FHOD3: variants seen among roughly 807,000 people sequenced by gnomAD.
The protein encoded by FHOD3 is FH1/FH2 domain-containing protein 3.
Under a neutral mutation model 173.0 loss-of-function variants are expected in FHOD3, and 90 were observed. The ratio of observed to expected loss-of-function variants is 0.52; its 90% CI spans 0.44 to 0.62. The LOEUF (loss-of-function observed/expected upper bound fraction) is 0.62. Ranked by LOEUF, FHOD3 falls within the 20% of genes least tolerant of loss-of-function variation. The probability of loss-of-function intolerance (pLI) is 0.00; values close to 1 mark genes in which losing one functional copy is unlikely to be tolerated. For missense variants in FHOD3, 1,945 were observed against 2,034.7 expected, an observed-to-expected ratio of 0.96 and a Z score of 0.85; for synonymous variants, 828 against 823.0, an observed-to-expected ratio of 1.01 and a Z score of -0.10.
intron 10 of FHOD3, among the ~76,000 whole-genome samples, chr18:36,636,792 G>T (rs899789915): frequency 3.9e-5 from 6 of 151,964 alleles, no homozygotes; most frequent in African/African-American, 1.5e-4. Flanking sequence ...AGGGGTCCTT[G>T]GATAGAGCAG....
intron 6 of FHOD3, among the ~76,000 whole-genome samples, chr18:36,576,985 C>T (rs932259306): frequency 5.9e-5 from 9 of 151,596 alleles, no homozygotes; most frequent in African/African-American, 1.9e-4. Flanking sequence ...CCCAGCTGCT[C>T]GGGAGGCTGA....
chr18:36,433,959 G>A (rs1399174662), intron 3 of FHOD3, among the ~76,000 whole-genome samples: 3 of 152,150 alleles, frequency 2.0e-5, no homozygotes, highest in Non-Finnish European at 4.4e-5. Context: ...ACATGCTCAT[G>A]TTTTCAAAAA....
At chr18:36,692,231 C>T (rs1424223664) in intron 16 of FHOD3, among the ~76,000 whole-genome samples, 14 of 152,168 alleles carry the variant, frequency 9.2e-5, no homozygotes, top group Admixed American at 9.2e-4. Flanking sequence ...CTCTGCCTTT[C>T]TTATCTGGGT....
chr18:36,591,452 G>A (rs2059214218), intron 6 of FHOD3, among the ~76,000 whole-genome samples: 1 of 152,194 alleles, frequency 6.6e-6, no homozygotes, highest in Admixed American at 6.5e-5. Flanking sequence ...ACACAGCATA[G>A]AGGGATGGAT....
chr18:36,779,240 C>T, intron 28 of FHOD3: 1 of 575,460 alleles, frequency 1.7e-6, no homozygotes, highest in Non-Finnish European at 3.1e-6. Flanking sequence ...CATTGTTAGG[C>T]CAGCCTGTGT....
At chr18:36,481,312 G>A (rs1050933990) in intron 3 of FHOD3, among the ~76,000 whole-genome samples, 4 of 152,064 alleles carry the variant, frequency 2.6e-5, no homozygotes, top group African/African-American at 9.7e-5. Context: ...CTTCAAGTGA[G>A]CCAAAACTCT....
intron 5 of FHOD3, among the ~76,000 whole-genome samples, chr18:36,544,102 T>C (rs1487673690): frequency 6.6e-6 from 1 of 152,216 alleles, no homozygotes; most frequent in Non-Finnish European, 1.5e-5. Context: ...GAGTGCTCCC[T>C]GGAGAGGTGG....
chr18:36,760,779 C>A lies in FHOD3; in HGVS notation c.4621C>A (p.Arg1541=). 1 of 1,609,018 alleles carries A rather than the reference C, an allele frequency of 6.2e-7. No individual in the cohort carries two copies. Among genetic ancestry groups the A allele is most frequent in the South Asian group, 1.1e-5 (1 of 90,792 alleles). The change falls in exon 27 of 29, where the codon CGA becomes AGA. Residue 1541 remains arginine, a synonymous_variant. Coordinates refer to ENST00000590592, the MANE Select transcript of FHOD3 (RefSeq NM_001281740.3). The part of the protein sequence containing the change: ...LGVRTRSRAS[R]GSTSSWTMGT... ...CGTCCGCACACGCAGCCGAGCAAGC[C>A]GAGGTAACTCCTGGCTGCGCGGGGC...
rs746200027 is a variant in FHOD3 at position 36,693,429 on chromosome 18, T to C, written c.2236+6T>C. ...AACCCCTCACCATCCCCAAGGTGAG[T>C]ACAGGGAGAGTAGAGGGAAAATGAA... On this transcript the variant is annotated splice_donor_region_variant and intron_variant, in intron 17 of 28. Transcript: ENST00000590592. The C allele has an allele frequency of 6.2e-7, 1 of 1,609,958 alleles. No homozygotes were observed. Among genetic ancestry groups the C allele is most frequent in the Non-Finnish European group, 8.5e-7 (1 of 1,177,028 alleles).
rs2040555828 is a variant in FHOD3 at position 36,718,038 on chromosome 18, G to A, written c.2740G>A (p.Ala914Thr). 6.2e-7 allele frequency: 1 copy of A among 1,604,450 alleles called. No homozygotes were observed. The highest frequency in any genetic ancestry group is 8.5e-7 in the Non-Finnish European group (1 of 1,175,072). The change falls in exon 19 of 29, where the codon GCC (alanine) becomes ACC (threonine). Residue 914 changes from alanine (A) to threonine (T), a missense_variant. Around this residue, in one of 5 missense-constraint regions of FHOD3, gnomAD observed 1,099 missense variants for 1,051.2 expected, o/e 1.05. Transcript: ENST00000590592. ...SLATRISTLQ[A>T]NSQTQDESVR... ...TGCTACCAGGATATCCACCCTGCAGGCCAACTCTCAGACCCAGGATGAGAG... is the reference window on the plus strand; with the variant it reads ...TGCTACCAGGATATCCACCCTGCAGACCAACTCTCAGACCCAGGATGAGAG...
intron 19 of FHOD3, among the ~76,000 whole-genome samples, chr18:36,721,204 G>A (rs927429914): frequency 3.9e-5 from 6 of 152,306 alleles, no homozygotes; most frequent in African/African-American, 1.4e-4. Flanking sequence ...TATATTGGAC[G>A]AAAAGTTTAC....
chr18:36,459,542 T>C (rs1227148499), intron 3 of FHOD3, among the ~76,000 whole-genome samples: 1 of 152,146 alleles, frequency 6.6e-6, no homozygotes, highest in Non-Finnish European at 1.5e-5. Context: ...GACAGCCCTG[T>C]CTGACCTGCA....
intron 3 of FHOD3, among the ~76,000 whole-genome samples, chr18:36,470,767 G>T (rs930345781): frequency 6.6e-6 from 1 of 152,210 alleles, no homozygotes; most frequent in African/African-American, 2.4e-5. Context: ...TCCGCGCTGG[G>T]ATATTGAAGT....
intron 3 of FHOD3, among the ~76,000 whole-genome samples, chr18:36,396,118 A>G (rs2048544055): frequency 6.6e-6 from 1 of 152,158 alleles, no homozygotes; most frequent in Non-Finnish European, 1.5e-5. Flanking sequence ...TTGCTTTTGA[A>G]AAGTCTGATG....
Position 36,652,553 on chromosome 18 carries a change from C to G in FHOD3, c.1287-17C>G, listed in dbSNP as rs2036134137. Reference sequence around the variant, plus strand: ...ATCTTTTTTTCTTCTTCCTCCTCCTCCCTGCTGGCCCAACAGCAAGGTCGG... The same window carrying G: ...ATCTTTTTTTCTTCTTCCTCCTCCTGCCTGCTGGCCCAACAGCAAGGTCGG... On this transcript the variant is annotated splice_polypyrimidine_tract_variant and intron_variant, in intron 11 of 28. Coordinates refer to ENST00000590592, the MANE Select transcript of FHOD3 (RefSeq NM_001281740.3). 1 of 1,514,380 alleles carries G rather than the reference C, an allele frequency of 6.6e-7. No homozygotes were observed. Among genetic ancestry groups the G allele is most frequent in the African/African-American group, 1.4e-5 (1 of 72,394 alleles). 93.8% of individuals were successfully genotyped at this position (1,514,380 alleles called of 1,614,324 possible).
Position 36,612,848 on chromosome 18 carries a change from G to A in FHOD3, c.957+753G>A, listed in dbSNP as rs139836043. 2.0e-4 allele frequency among the ~76,000 whole-genome samples: 30 copies of A among 152,240 alleles called. No individual in the cohort carries two copies. The East Asian group carries it at 5.2e-3, about 26-fold the overall frequency. ...AAAACAGCAGAAACAGTACGAAACC[G>A]ACTGCACTGTTTTTACATCACTTCT... On this transcript the variant is annotated intron_variant, in intron 9 of 28. Transcript: ENST00000590592.
intron 5 of FHOD3, among the ~76,000 whole-genome samples, chr18:36,524,047 G>A (rs765957473): frequency 3.9e-5 from 6 of 152,088 alleles, no homozygotes; most frequent in African/African-American, 1.2e-4. Context: ...TTGGGAGGCC[G>A]ATGGCTGGCA....
At chr18:36,778,757 G>C (rs577928082) in intron 28 of FHOD3, 6 of 152,300 alleles carry the variant, frequency 3.9e-5, no homozygotes, top group African/African-American at 1.4e-4. Context: ...TTGGCAGTTT[G>C]CTCCTTAGCC....
chr18:36,436,433 A>G (rs907012293), intron 3 of FHOD3, among the ~76,000 whole-genome samples: 2 of 152,176 alleles, frequency 1.3e-5, no homozygotes, highest in African/African-American at 4.8e-5. Context: ...CCGAGGTATT[A>G]AAACCCCCAT....
Sources: allele counts gnomAD v4.1 joint callset (sites outside exome capture counted in the v4.1 genomes callset), GRCh38; gene constraint gnomAD v4.1.1; regional missense constraint gnomAD v4.1.1; transcripts MANE v1.5; gene names NCBI Gene and HGNC (gene_info 2026-07-23, HGNC 2026-07-21).